The following CTSB variants were observed in gnomAD, a reference collection of about 807,000 sequenced individuals.
The protein encoded by CTSB is APP secretase.
A neutral mutation model predicts 44.3 loss-of-function variants in CTSB; 57 were observed. The ratio of observed to expected loss-of-function variants is 1.29; its 90% CI spans 1.04 to 1.60. The LOEUF (loss-of-function observed/expected upper bound fraction) is 1.60, where lower values mean the gene tolerates loss of function less well. CTSB is among the 40% of genes most tolerant of loss of function. CTSB has a pLI of 0.00. For missense variants in CTSB, 768 were observed against 443.0 expected (o/e 1.73, Z -6.59); for synonymous variants, 320 against 168.0 (o/e 1.91, Z -7.00).
intron 1 of CTSB, among the ~76,000 whole-genome samples, chr8:11,866,952 T>C (rs905332754): frequency 6.6e-6 from 1 of 152,094 alleles, no homozygotes; most frequent in Admixed American, 6.5e-5. Flanking sequence ...AGTGGGAATG[T>C]TTTTCCAGGC....
chr8:11,847,657 GGCC>G lies in CTSB; in HGVS notation c.676+19_676+21del, dbSNP rs1813655160. 6.6e-7 allele frequency: 1 copy of G among 1,513,560 alleles called. No homozygotes were observed. The highest frequency in any genetic ancestry group is 1.4e-5 in the African/African-American group (1 of 70,278). 93.8% of individuals were successfully genotyped at this position (1,513,560 alleles called of 1,614,324 possible). ...GCTCCCCAGCCTCCACGTGCGCCGTGGCCAGGCCCCAGGCCCCTTACCGTAGTG... is the reference window on the plus strand; with the variant it reads ...GCTCCCCAGCCTCCACGTGCGCCGTGAGGCCCCAGGCCCCTTACCGTAGTG... On this transcript the variant is annotated intron_variant, in intron 7 of 9. Coordinates refer to ENST00000353047, the MANE Select transcript of CTSB (RefSeq NM_001908.5).
At chr8:11,845,618 C>G in intron 9 of CTSB, 43 bp downstream of exon 9, 1 of 1,598,350 alleles carries the variant, frequency 6.3e-7, no homozygotes, top group Non-Finnish European at 8.6e-7. Context: ...CGGGGTGTGG[C>G]TCACAATTCA....
intron 1 of CTSB, among the ~76,000 whole-genome samples, chr8:11,855,114 CT>C (rs1181265356): frequency 6.6e-6 from 1 of 152,176 alleles, no homozygotes; most frequent in Non-Finnish European, 1.5e-5. Flanking sequence ...CCTCTGCCTC[CT>C]GGGTTCAAGC....
intron 1 of CTSB, among the ~76,000 whole-genome samples, chr8:11,857,689 G>A (rs761397207): frequency 6.6e-6 from 1 of 152,078 alleles, no homozygotes; most frequent in Non-Finnish European, 1.5e-5. Context: ...TTCACTAGCA[G>A]GCGACTTCCC....
chr8:11,860,964 G>A (rs1484469055), intron 1 of CTSB, among the ~76,000 whole-genome samples: 2 of 152,224 alleles, frequency 1.3e-5, no homozygotes, highest in Admixed American at 6.5e-5. Context: ...CCTGCACTGG[G>A]TGGGAGTGTG....
intron 1 of CTSB, chr8:11,862,397 G>A (rs1415261027): frequency 2.0e-5 from 3 of 152,146 alleles, no homozygotes; most frequent in African/African-American, 7.2e-5. Flanking sequence ...TCAGTCACTG[G>A]GAGCGTGAAA....
rs36047077 is a variant in CTSB, at chr8:11,859,767, C to CAAAA, written c.-25-6292_-25-6289dup. Among the ~76,000 whole-genome samples, 114 of 38,960 alleles carry CAAAA rather than the reference C, an allele frequency of 2.9e-3. 5 individuals are homozygous for CAAAA. Among genetic ancestry groups the CAAAA allele is most frequent in the African/African-American group, 5.8e-3 (42 of 7,238 alleles). The allele number at this position is 38,960 out of a possible 152,430, so 25.6% of individuals were successfully genotyped here. A position where few individuals can be genotyped will look rare whatever the true frequency, so the allele number is the denominator to read the frequency against. ...TGGGCAACAGAGCGAGACTCTGTCT[C>CAAAA]AAAAAAAAAAAAAAAAAAAAAAAAA... On this transcript the variant is annotated intron_variant, in intron 1 of 9. Coordinates refer to ENST00000353047, the MANE Select transcript of CTSB (RefSeq NM_001908.5).
Position 11,847,696 on chromosome 8 carries a change from T to C in CTSB, c.659A>G (p.Lys220Arg). Residue 220 changes from lysine (K) to arginine (R), a missense_variant, in exon 7 of 10, where the codon AAA becomes AGA. By Grantham distance (26) the Lys-to-Arg change is conservative (BLOSUM62 2). Transcript: ENST00000353047. ...CCCCTTACCGTAGTGCTTGTCCTGTTTGTAGGTCGGGCTGTAGCCAGGCTC... is the reference window on the plus strand; with the variant it reads ...CCCCTTACCGTAGTGCTTGTCCTGTCTGTAGGTCGGGCTGTAGCCAGGCTC... ...ICEPGYSPTY[K>R]QDKHYGYNSY... 1.9e-6 allele frequency: 3 copies of C among 1,574,746 alleles called. No homozygotes were observed. The highest frequency in any genetic ancestry group is 1.4e-5 in the African/African-American group (1 of 73,370).
rs189548536 is a variant in CTSB at position 11,848,497 on chromosome 8, C to G, written c.447-345G>C. ...AACTTCCCTAAGGTACTTAAAAACA[C>G]CACCAGTTCTCTGAAATGAGAATCG... On this transcript the variant is annotated intron_variant, in intron 5 of 9. Transcript: ENST00000353047. 2.0e-5 allele frequency: 8 copies of G among 400,126 alleles called. No individual in the cohort carries two copies. The East Asian group carries it at 4.0e-4, about 20-fold the overall frequency. The allele number at this position is 400,126 out of a possible 1,614,324, so 24.8% of individuals were successfully genotyped here.
chr8:11,847,364 G>A (rs1315493798), intron 7 of CTSB, among the ~76,000 whole-genome samples, 196 bp from the exon 8 acceptor site: 1 of 152,162 alleles, frequency 6.6e-6, no homozygotes, highest in African/African-American at 2.4e-5. Flanking sequence ...TCAGAAATGG[G>A]AGAACGGAGC....
rs201229556 is a variant in CTSB, at chr8:11,845,792, G to T, written c.794-3C>A. On this transcript the variant is annotated splice_region_variant and splice_polypyrimidine_tract_variant and intron_variant, in intron 8 of 9. Coordinates refer to ENST00000353047, the MANE Select transcript of CTSB (RefSeq NM_001908.5). ...TCCGGTGACGTGTTGGTACACTCCT[G>T]AAAAGGGAAGAACTGGCTGAGACCG... is the stretch of plus-strand genomic sequence containing the variant. 52 of 1,610,800 alleles carry T rather than the reference G, an allele frequency of 3.2e-5. No individual in the cohort carries two copies. In the African/African-American group the frequency reaches 6.0e-4, roughly 19 times the overall value.
chr8:11,847,940 C>A (rs1442852832), intron 6 of CTSB, 118 bp from the exon 7 acceptor site: 1 of 1,352,624 alleles, frequency 7.4e-7, no homozygotes, highest in South Asian at 1.3e-5. Flanking sequence ...GAGGCCTGTG[C>A]ACCTGGCTAG....
chr8:11,855,155 G>A (rs548488263), intron 1 of CTSB, among the ~76,000 whole-genome samples: 8 of 152,184 alleles, frequency 5.3e-5, no homozygotes, highest in South Asian at 2.1e-4. Flanking sequence ...CCCGAGCAGC[G>A]GGATTACAGG....
At chr8:11,858,570 G>A (rs2150432760) in intron 1 of CTSB, among the ~76,000 whole-genome samples, 1 of 152,330 alleles carries the variant, frequency 6.6e-6, no homozygotes, top group South Asian at 2.1e-4. Context: ...GATTATAGGT[G>A]TGAGCCACCA....
rs758371410 is a variant in CTSB at position 11,849,205 on chromosome 8, G to C, written c.328-41C>G. 22 of 1,558,872 alleles carry C rather than the reference G, an allele frequency of 1.4e-5. No individual in the cohort carries two copies. In the Admixed American group the frequency reaches 1.7e-4, roughly 12 times the overall value. The stretch of plus-strand genomic sequence containing the variant: ...CCACCGGGTGAGGCTGCCATGTCCG[G>C]GCTGGGCCCTCTGCAGCAGTCCCCT... On this transcript the variant is annotated intron_variant, in intron 4 of 9. Transcript: ENST00000353047.
chr8:11,855,753 C>A (rs938411266), intron 1 of CTSB, among the ~76,000 whole-genome samples: 3 of 152,102 alleles, frequency 2.0e-5, no homozygotes, highest in African/African-American at 7.2e-5. Context: ...CATGGTGGCT[C>A]AAGCTTGTAA....
chr8:11,849,817 G>A (rs1019957284), intron 4 of CTSB, among the ~76,000 whole-genome samples: 6 of 152,088 alleles, frequency 3.9e-5, no homozygotes, highest in Non-Finnish European at 8.8e-5. Flanking sequence ...CTGACCTCAG[G>A]TGATCCGCCT....
chr8:11,850,681 C>G (rs1419896375), intron 4 of CTSB, 185 bp downstream of exon 4: 2 of 489,238 alleles, frequency 4.1e-6, no homozygotes, highest in African/African-American at 3.9e-5. Context: ...GCCCGCCACT[C>G]CACCTAATCC....
chr8:11,848,957 C>A (rs1813987252), intron 5 of CTSB, 89 bp downstream of exon 5: 3 of 932,192 alleles, frequency 3.2e-6, no homozygotes, highest in East Asian at 2.5e-5. Flanking sequence ...GCAGCAGTCC[C>A]AGGAAGTCCT....
Sources: gnomAD v4.1 joint callset for allele counts (sites outside exome capture counted in the v4.1 genomes callset) on GRCh38, gnomAD v4.1.1 for gene constraint, MANE v1.5 for transcripts, NCBI Gene and HGNC (gene_info 2026-07-23, HGNC 2026-07-21) for gene names.